The following STAT5B variants were observed in gnomAD, a reference collection of about 807,000 sequenced individuals.
The protein encoded by STAT5B is signal transducer and activator of transcription 5B.
A neutral mutation model predicts 107.8 loss-of-function variants in STAT5B; 21 were observed. That is an observed-to-expected ratio of 0.19 (90% CI 0.14 to 0.28). The LOEUF is 0.28. STAT5B is among the 10% of genes least tolerant of loss of function. The probability of loss-of-function intolerance (pLI) is 1.00; values close to 1 mark genes in which losing one functional copy is unlikely to be tolerated. For missense variants in STAT5B, 565 were observed against 1,008.2 expected (o/e 0.56, Z 5.95); for synonymous variants, 325 against 401.7 (o/e 0.81, Z 2.28).
chr17:42,234,140 A>G (rs989406902), intron 1 of STAT5B: 1 of 152,180 alleles, frequency 6.6e-6, no homozygotes, highest in Admixed American at 6.6e-5. Flanking sequence ...TTTGTTTACT[A>G]CCAGAGACTG....
rs566003940 is a variant in STAT5B at position 42,212,677 on chromosome 17, G to A, written c.1474-487C>T. Among the ~76,000 whole-genome samples the A allele has an allele frequency of 7.9e-5, 12 of 152,370 alleles. No individual in the cohort carries two copies. In the South Asian group the frequency reaches 2.5e-3, roughly 32 times the overall value. On this transcript the variant is annotated intron_variant, in intron 12 of 18. Transcript: ENST00000293328. Reference sequence around the variant, plus strand: ...AAGTAAAACAACTTGGTATGGAAGAGTGGAAATTTTGAGTTGGATGGCTTT... The same window carrying A: ...AAGTAAAACAACTTGGTATGGAAGAATGGAAATTTTGAGTTGGATGGCTTT...
intron 2 of STAT5B, among the ~76,000 whole-genome samples, chr17:42,231,739 G>A (rs773113544): frequency 3.3e-5 from 5 of 152,060 alleles, no homozygotes; most frequent in Non-Finnish European, 5.9e-5. Flanking sequence ...ATATTCTAAT[G>A]CTTTTAGACA....
chr17:42,282,035 C>T, the STAT5B span, among the ~76,000 whole-genome samples: 4 of 152,150 alleles, frequency 2.6e-5, no homozygotes, highest in African/African-American at 9.7e-5. Context: ...GAGGCCAGGG[C>T]AGCAGGGGGA....
chr17:42,218,642 G>C (rs1310955540), intron 8 of STAT5B, 81 bp downstream of exon 8: 4 of 1,609,362 alleles, frequency 2.5e-6, no homozygotes, highest in Admixed American at 1.7e-5. Context: ...GGATCTGCTG[G>C]TCTGGAAGGC....
At chr17:42,262,153 T>G (rs746895067) in intron 1 of STAT5B, among the ~76,000 whole-genome samples, 3 of 152,104 alleles carry the variant, frequency 2.0e-5, no homozygotes, top group Admixed American at 6.6e-5. Flanking sequence ...CTCTGTCAAG[T>G]GTTAAAATTC....
intron 1 of STAT5B, among the ~76,000 whole-genome samples, chr17:42,260,061 G>A (rs539721414): frequency 6.6e-6 from 1 of 152,226 alleles, no homozygotes; most frequent in African/African-American, 2.4e-5. Context: ...TGTTTATTAT[G>A]GTAGCCTCTA....
Position 42,223,409 on chromosome 17 carries a change from GGAT to G in STAT5B, c.520_522del (p.Ile174del). On this transcript the variant is annotated inframe_deletion, in exon 5 of 19. Transcript: ENST00000293328. Reference sequence around the variant, plus strand: ...TGGATCCTCAGGCTCTCCTGGTACTGGATGATGAAGTACTCCTGAGTCTGCTGC... The same window carrying G: ...TGGATCCTCAGGCTCTCCTGGTACTGGATGAAGTACTCCTGAGTCTGCTGC... 1 of 1,614,178 alleles carries G rather than the reference GGAT, an allele frequency of 6.2e-7. No individual in the cohort carries two copies. The highest frequency in any genetic ancestry group is 8.5e-7 in the Non-Finnish European group (1 of 1,180,044).
chr17:42,223,288 TG>T, intron 5 of STAT5B, 93 bp downstream of exon 5: 2 of 1,587,890 alleles, frequency 1.3e-6, no homozygotes, highest in Admixed American at 1.7e-5. Flanking sequence ...TGCCTCCGAA[TG>T]GAAAGTGTGC....
intron 1 of STAT5B, chr17:42,268,727 C>A (rs2080696121): frequency 6.6e-6 from 1 of 152,114 alleles, no homozygotes; most frequent in South Asian, 2.1e-4. Context: ...TGAACTGTTT[C>A]ATTTTTAAAG....
chr17:42,225,441 A>C (rs1283534348), intron 3 of STAT5B, among the ~76,000 whole-genome samples: 1 of 152,168 alleles, frequency 6.6e-6, no homozygotes, highest in Non-Finnish European at 1.5e-5. Flanking sequence ...CAAATGGGCA[A>C]TCAAAACTAC....
chr17:42,203,012 G>C, intron 16 of STAT5B: 1 of 660,272 alleles, frequency 1.5e-6, no homozygotes, highest in Non-Finnish European at 2.7e-6. Context: ...GTGCAATCTC[G>C]GCTCACTGCA....
intron 2 of STAT5B, 97 bp from the exon 3 acceptor site, chr17:42,227,782 AT>A: frequency 7.6e-7 from 1 of 1,309,722 alleles, no homozygotes; most frequent in South Asian, 1.3e-5. Flanking sequence ...AACTAAAGTG[AT>A]GTTTTTAATC....
upstream of STAT5B, among the ~76,000 whole-genome samples, chr17:42,281,211 T>G (rs549885166): frequency 2.6e-5 from 4 of 151,838 alleles, no homozygotes; most frequent in African/African-American, 9.7e-5. Flanking sequence ...TCTCTGAGGA[T>G]CTCAGTTTCC....
chr17:42,228,348 G>A (rs1598311783), intron 2 of STAT5B, among the ~76,000 whole-genome samples: 1 of 152,310 alleles, frequency 6.6e-6, no homozygotes, highest in East Asian at 1.9e-4. Context: ...TCAAGCTACT[G>A]AACTGGTGAC....
intron 1 of STAT5B, among the ~76,000 whole-genome samples, chr17:42,232,961 C>A (rs1372289138): frequency 1.3e-5 from 2 of 151,392 alleles, no homozygotes; most frequent in African/African-American, 4.9e-5. Flanking sequence ...ACTGCCTCAG[C>A]CTCCCAAGTA....
chr17:42,218,615 G>A, intron 8 of STAT5B, 108 bp downstream of exon 8: 1 of 1,587,358 alleles, frequency 6.3e-7, no homozygotes, highest in Non-Finnish European at 8.6e-7. Context: ...AGTTGGGAGG[G>A]ATGAGAGGCA....
the STAT5B span, chr17:42,287,684 C>T: frequency 3.3e-5 from 5 of 152,306 alleles, no homozygotes; most frequent in Admixed American, 1.3e-4. Context: ...GGGGCGCTGG[C>T]TAGTTTATGG....
chr17:42,205,742 T>A (rs2080079728), intron 16 of STAT5B, among the ~76,000 whole-genome samples: 1 of 152,026 alleles, frequency 6.6e-6, no homozygotes, highest in Admixed American at 6.6e-5. Context: ...AGACCCCATA[T>A]CTATAAAAAT....
At chr17:42,265,927 G>T (rs1567678631) in intron 1 of STAT5B, among the ~76,000 whole-genome samples, 1 of 151,702 alleles carries the variant, frequency 6.6e-6, no homozygotes, top group East Asian at 1.9e-4. Context: ...TCTATTATGG[G>T]AATCATCTTT....
Sources: allele counts gnomAD v4.1 joint callset (sites outside exome capture counted in the v4.1 genomes callset), GRCh38; gene constraint gnomAD v4.1.1; transcripts MANE v1.5; gene names NCBI Gene and HGNC (gene_info 2026-07-23, HGNC 2026-07-21).